Variants in CCDC3 observed in about 807,000 individuals in gnomAD.
CCDC3 encodes the protein coiled-coil domain-containing protein 3.
In CCDC3, 24 loss-of-function variants were observed where a neutral mutation model predicts 21.4. The observed-to-expected ratio is 1.12, with a 90% CI of 0.81 to 1.58. The LOEUF (loss-of-function observed/expected upper bound fraction) is 1.58, where lower values mean the gene tolerates loss of function less well. Ranked by LOEUF, CCDC3 falls within the 40% of genes most tolerant of loss-of-function variation. CCDC3 has a pLI of 0.00. For missense variants in CCDC3, 425 were observed against 360.9 expected, an observed-to-expected ratio of 1.18 and a Z score of -1.44; for synonymous variants, 186 against 166.0, an observed-to-expected ratio of 1.12 and a Z score of -0.93.
intron 2 of CCDC3, among the ~76,000 whole-genome samples, chr10:12,899,174 TG>T (rs1242888530): frequency 1.3e-5 from 2 of 151,918 alleles, no homozygotes; most frequent in African/African-American, 4.8e-5. Flanking sequence ...TCCCTTTAGC[TG>T]GGCTGGCCAG....
At chr10:13,097,115 G>T (rs1040977150) in intron 3 of CCDC3, among the ~76,000 whole-genome samples, 6 of 152,168 alleles carry the variant, frequency 3.9e-5, no homozygotes, top group Non-Finnish European at 8.8e-5. Flanking sequence ...ATCAAACCCA[G>T]ATTAGGATCT....
chr10:12,991,672 T>C (rs369054585), intron 2 of CCDC3, among the ~76,000 whole-genome samples: 1 of 152,104 alleles, frequency 6.6e-6, no homozygotes, highest in Admixed American at 6.6e-5. Context: ...CAGATAGAAA[T>C]GTCAACTCCA....
At chr10:12,921,385 G>T (rs1834447763) in intron 2 of CCDC3, among the ~76,000 whole-genome samples, 1 of 152,168 alleles carries the variant, frequency 6.6e-6, no homozygotes, top group African/African-American at 2.4e-5. Context: ...TCAGCCCGGG[G>T]CCCAGAGCTG....
intron 2 of CCDC3, among the ~76,000 whole-genome samples, chr10:12,939,936 G>C (rs1441705119): frequency 6.6e-6 from 1 of 152,180 alleles, no homozygotes; most frequent in Non-Finnish European, 1.5e-5. Flanking sequence ...AAGATTGTTA[G>C]CTATGGGAAT....
At chr10:13,019,237 AAAAG>A (rs1041735557) in intron 5 of CCDC3, among the ~76,000 whole-genome samples, 3 of 150,288 alleles carry the variant, frequency 2.0e-5, no homozygotes, top group South Asian at 4.2e-4. Context: ...CTGTCTTTAA[AAAAG>A]AAAGAAAGAA....
intron 3 of CCDC3, among the ~76,000 whole-genome samples, chr10:13,090,066 T>G (rs79974926): frequency 0.47 from 55,793 of 118,762 alleles, 12,377 homozygotes; most frequent in East Asian, 0.5. Flanking sequence ...TATATATATA[T>G]ATATATATAT....
At chr10:13,048,891 G>A (rs1040152980) in intron 5 of CCDC3, among the ~76,000 whole-genome samples, 5 of 152,164 alleles carry the variant, frequency 3.3e-5, no homozygotes, top group Admixed American at 1.3e-4. Flanking sequence ...CTAGAGCCAC[G>A]TGGTCTTTTT....
intron 2 of CCDC3, among the ~76,000 whole-genome samples, chr10:12,943,376 AAG>A (rs890220052): frequency 1.6e-4 from 24 of 152,368 alleles, no homozygotes; most frequent in African/African-American, 5.5e-4. Context: ...GGTAGCTAAA[AAG>A]AAATTATTTA....
intron 5 of CCDC3, among the ~76,000 whole-genome samples, chr10:13,009,786 T>C (rs1835963488): frequency 6.6e-6 from 1 of 152,118 alleles, no homozygotes; most frequent in African/African-American, 2.4e-5. Flanking sequence ...CCTAAAACTA[T>C]AAAACATCTA....
chr10:12,972,471 C>T (rs1835357883), intron 2 of CCDC3, among the ~76,000 whole-genome samples: 1 of 152,142 alleles, frequency 6.6e-6, no homozygotes, highest in African/African-American at 2.4e-5. Context: ...TCCCCTTCAC[C>T]CTGTCCCAAA....
intron 2 of CCDC3, among the ~76,000 whole-genome samples, chr10:12,986,656 C>A (rs1835597641): frequency 6.6e-6 from 1 of 151,988 alleles, no homozygotes; most frequent in Non-Finnish European, 1.5e-5. Context: ...CGCCTGTAGT[C>A]CCAGCTACTC....
At chr10:12,910,620 T>TTTC (rs1370506311) in intron 2 of CCDC3, among the ~76,000 whole-genome samples, 2 of 150,740 alleles carry the variant, frequency 1.3e-5, no homozygotes, top group East Asian at 3.9e-4. Context: ...AATTTTTTTT[T>TTTC]TTTTTTTGAC....
chr10:13,088,947 T>C (rs995395061), intron 3 of CCDC3, among the ~76,000 whole-genome samples: 2 of 151,460 alleles, frequency 1.3e-5, no homozygotes, highest in African/African-American at 4.9e-5. Flanking sequence ...GAGGCAAAGG[T>C]TGTAGTGAGC....
chr10:12,928,636 G>A (rs565047301), intron 2 of CCDC3, among the ~76,000 whole-genome samples: 7 of 152,240 alleles, frequency 4.6e-5, no homozygotes, highest in East Asian at 1.9e-4. Context: ...TGGCTAAGTC[G>A]TAACAATCAT....
chr10:13,082,829 T>A (rs548273067), intron 3 of CCDC3, among the ~76,000 whole-genome samples: 1 of 152,198 alleles, frequency 6.6e-6, no homozygotes, highest in East Asian at 1.9e-4. Flanking sequence ...AGGTTATAAT[T>A]GTAGAACAGA....
chr10:13,082,881 A>G (rs1041314057), intron 3 of CCDC3, among the ~76,000 whole-genome samples: 1 of 152,230 alleles, frequency 6.6e-6, no homozygotes, highest in Non-Finnish European at 1.5e-5. Context: ...CTACAAACTA[A>G]TGATTAATAA....
chr10:13,060,150 GAA>G (rs1564335897), intron 4 of CCDC3, among the ~76,000 whole-genome samples: 1 of 151,716 alleles, frequency 6.6e-6, no homozygotes, highest in African/African-American at 2.4e-5. Flanking sequence ...TGTTTCATCA[GAA>G]ACAAAACAAA....
In CCDC3 at chr10:13,001,590, C is replaced by T. The variant is rs1266127777; in HGVS notation, c.-20G>A. ...CAGCATGCCGGGCCCTCCCGGGGCG[C>T]ACGGGGCGGCGGCGGGGAGCCCGGG... On this transcript the variant is annotated 5_prime_UTR_variant, in exon 1 of 3. Coordinates refer to ENST00000378825, the MANE Select transcript of CCDC3 (RefSeq NM_031455.4). 1.7e-6 allele frequency: 2 copies of T among 1,175,386 alleles called. No homozygotes were observed. Among genetic ancestry groups the T allele is most frequent in the Admixed American group, 9.2e-5 (2 of 21,652 alleles). 72.8% of individuals were successfully genotyped at this position (1,175,386 alleles called of 1,614,324 possible). A position where few individuals can be genotyped will look rare whatever the true frequency, so the allele number is the denominator to read the frequency against.
chr10:13,027,123 C>G (rs1342780398), intron 5 of CCDC3, among the ~76,000 whole-genome samples: 1 of 152,150 alleles, frequency 6.6e-6, no homozygotes, highest in Non-Finnish European at 1.5e-5. Flanking sequence ...AAAACAAAAC[C>G]TCTGAAGAAT....
Sources: gnomAD v4.1 joint callset for allele counts (sites outside exome capture counted in the v4.1 genomes callset) on GRCh38, gnomAD v4.1.1 for gene constraint, MANE v1.5 for transcripts, NCBI Gene and HGNC (gene_info 2026-07-23, HGNC 2026-07-21) for gene names.